The following C12orf54 variants were observed in gnomAD, a reference collection of about 807,000 sequenced individuals.
C12orf54 encodes the protein chromosome 12 open reading frame 54.
In C12orf54, 24 loss-of-function variants were observed where a neutral mutation model predicts 26.4. The ratio of observed to expected loss-of-function variants is 0.91; its 90% CI spans 0.66 to 1.28. C12orf54 has a LOEUF of 1.28. C12orf54 is among the 50% of genes most tolerant of loss of function. The pLI, the probability that C12orf54 is intolerant of heterozygous loss-of-function variation, is 0.00. For synonymous variants in C12orf54, 54 were observed against 47.0 expected, an observed-to-expected ratio of 1.15 and a Z score of -0.61; for missense variants, 154 against 150.9, an observed-to-expected ratio of 1.02 and a Z score of -0.11.
chr12:48,423,012 G>T, the C12orf54 span, among the ~76,000 whole-genome samples: 1 of 152,070 alleles, frequency 6.6e-6, no homozygotes, highest in East Asian at 1.9e-4. Context: ...ATGTCACGAA[G>T]ATTTTATTTT....
At chr12:48,435,198 A>G in the C12orf54 span, among the ~76,000 whole-genome samples, 19 of 152,328 alleles carry the variant, frequency 1.2e-4, 1 homozygote, top group Non-Finnish European at 4.4e-5. Flanking sequence ...AAGTGTGAAG[A>G]GAAGTTTAGA....
chr12:48,493,885 G>A (rs115919222), intron 7 of C12orf54, among the ~76,000 whole-genome samples: 2,107 of 150,724 alleles, frequency 0.014, 54 homozygotes, highest in African/African-American at 0.049. Context: ...AGACAGCAGC[G>A]CCATGTACTT....
the C12orf54 span, among the ~76,000 whole-genome samples, chr12:48,440,147 C>T: frequency 2.0e-5 from 3 of 151,818 alleles, no homozygotes; most frequent in Admixed American, 6.6e-5. Flanking sequence ...ATTGTTTGAA[C>T]CTGGGAGGCG....
At chr12:48,437,586 G>T in the C12orf54 span, among the ~76,000 whole-genome samples, 3 of 152,180 alleles carry the variant, frequency 2.0e-5, no homozygotes, top group African/African-American at 7.2e-5. Flanking sequence ...CGGATGCAAG[G>T]CTGGTTCAAC....
the C12orf54 span, chr12:48,473,136 T>A: frequency 6.2e-7 from 1 of 1,602,486 alleles, no homozygotes. Flanking sequence ...GGCCCCTAAC[T>A]CGGATGGTGA....
the C12orf54 span, among the ~76,000 whole-genome samples, chr12:48,451,007 TG>T: frequency 2.0e-5 from 3 of 152,064 alleles, no homozygotes; most frequent in Admixed American, 6.5e-5. Context: ...TACCAAAGCC[TG>T]GCAAAGATAT....
chr12:48,492,730 T>C (rs1190753220), intron 6 of C12orf54, among the ~76,000 whole-genome samples: 2 of 152,230 alleles, frequency 1.3e-5, no homozygotes, highest in African/African-American at 4.8e-5. Context: ...TGAACAGACC[T>C]TCAGTGGCCA....
chr12:48,428,874 C>G, the C12orf54 span, among the ~76,000 whole-genome samples: 10 of 152,208 alleles, frequency 6.6e-5, no homozygotes, highest in East Asian at 1.9e-3. Context: ...AAAAAGAAAA[C>G]TACATACCAA....
the C12orf54 span, among the ~76,000 whole-genome samples, chr12:48,419,426 T>C: frequency 1.3e-5 from 2 of 152,220 alleles, no homozygotes; most frequent in African/African-American, 4.8e-5. Flanking sequence ...TGTGCAGTGA[T>C]CCGCACAATT....
chr12:48,475,100 G>A, the C12orf54 span, among the ~76,000 whole-genome samples: 2 of 152,166 alleles, frequency 1.3e-5, no homozygotes, highest in African/African-American at 4.8e-5. Context: ...AATATCCGCT[G>A]TTCTGCAGTC....
the C12orf54 span, among the ~76,000 whole-genome samples, chr12:48,473,883 T>C: frequency 6.6e-6 from 1 of 152,202 alleles, no homozygotes; most frequent in Non-Finnish European, 1.5e-5. Flanking sequence ...GCTAGAGGCA[T>C]CCAACACCCT....
At chr12:48,437,067 A>T in the C12orf54 span, among the ~76,000 whole-genome samples, 1 of 152,150 alleles carries the variant, frequency 6.6e-6, no homozygotes, top group Non-Finnish European at 1.5e-5. Context: ...GACAAAGGGG[A>T]TATCACCACC....
the C12orf54 span, among the ~76,000 whole-genome samples, chr12:48,452,585 A>G: frequency 1.3e-5 from 2 of 152,200 alleles, no homozygotes; most frequent in African/African-American, 4.8e-5. Context: ...AATGGAAGAA[A>G]ATTTTTGCAA....
intron 2 of C12orf54, among the ~76,000 whole-genome samples, chr12:48,484,440 A>C (rs1954234997): frequency 6.6e-6 from 1 of 152,250 alleles, no homozygotes; most frequent in South Asian, 2.1e-4. Flanking sequence ...ATGAGAAAGC[A>C]CATAAACCAC....
the C12orf54 span, among the ~76,000 whole-genome samples, chr12:48,424,716 T>C: frequency 6.6e-6 from 1 of 152,256 alleles, no homozygotes; most frequent in South Asian, 2.1e-4. Flanking sequence ...TTTACCAAGA[T>C]AGATGATCAC....
the C12orf54 span, among the ~76,000 whole-genome samples, chr12:48,436,431 T>C: frequency 2.0e-5 from 3 of 152,080 alleles, no homozygotes; most frequent in Admixed American, 1.3e-4. Flanking sequence ...TACAGAACTC[T>C]CCACCCCAAA....
At chr12:48,466,032 G>C in the C12orf54 span, among the ~76,000 whole-genome samples, 1 of 152,084 alleles carries the variant, frequency 6.6e-6, no homozygotes. Context: ...CCTTGGGATA[G>C]GCAAAGATTT....
the C12orf54 span, among the ~76,000 whole-genome samples, chr12:48,469,370 T>C: frequency 4.1e-4 from 62 of 152,344 alleles, no homozygotes; most frequent in Non-Finnish European, 6.2e-4. Flanking sequence ...AATTCCGCGA[T>C]ATTTCCTATT....
chr12:48,414,538 A>C, the C12orf54 span, among the ~76,000 whole-genome samples: 1 of 152,220 alleles, frequency 6.6e-6, no homozygotes, highest in South Asian at 2.1e-4. Context: ...CTTCCTCCTC[A>C]TTACTCCTTT....
Sources: gnomAD v4.1 joint callset for allele counts (sites outside exome capture counted in the v4.1 genomes callset) on GRCh38, gnomAD v4.1.1 for gene constraint, MANE v1.5 for transcripts, NCBI Gene and HGNC (gene_info 2026-07-23, HGNC 2026-07-21) for gene names.